Variants in LCLAT1 observed in about 807,000 individuals in gnomAD.
The protein encoded by LCLAT1 is lysocardiolipin acyltransferase 1, also known as 1-AGP acyltransferase 8.
Under a neutral mutation model 30.7 loss-of-function variants are expected in LCLAT1, and 11 were observed. The observed-to-expected ratio is 0.36, with a 90% CI of 0.23 to 0.59. The LOEUF is 0.59. Ranked by LOEUF, LCLAT1 falls within the 20% of genes least tolerant of loss-of-function variation. The pLI, the probability that LCLAT1 is intolerant of heterozygous loss-of-function variation, is 0.77. For synonymous variants in LCLAT1, 155 were observed against 151.3 expected (o/e 1.02, Z -0.18); for missense variants, 402 against 458.6 (o/e 0.88, Z 1.13).
intron 1 of LCLAT1, among the ~76,000 whole-genome samples, chr2:30,471,988 A>G (rs1682819443): frequency 1.3e-5 from 2 of 152,224 alleles, no homozygotes. Context: ...AGCATGAAAT[A>G]TGAACATCAT....
At chr2:30,526,522 A>G (rs111261936) in intron 2 of LCLAT1, among the ~76,000 whole-genome samples, 84 of 152,232 alleles carry the variant, frequency 5.5e-4, no homozygotes, top group African/African-American at 1.2e-3. Context: ...AATTATAGCC[A>G]TATTTTCCTT....
At chr2:30,456,916 C>T (rs1292647936) in intron 1 of LCLAT1, among the ~76,000 whole-genome samples, 1 of 152,104 alleles carries the variant, frequency 6.6e-6, no homozygotes, top group Non-Finnish European at 1.5e-5. Context: ...GGGATTACTT[C>T]TTTATGGAAG....
At chr2:30,521,518 T>C (rs1685475361) in intron 1 of LCLAT1, among the ~76,000 whole-genome samples, 1 of 119,098 alleles carries the variant, frequency 8.4e-6, no homozygotes, top group Admixed American at 9.2e-5. Context: ...TTTTTTTTTT[T>C]TTTTTTTTGA....
At chr2:30,553,701 G>C (rs1047301404) in intron 3 of LCLAT1, among the ~76,000 whole-genome samples, 1 of 151,856 alleles carries the variant, frequency 6.6e-6, no homozygotes, top group African/African-American at 2.4e-5. Flanking sequence ...TGTAGTCCCA[G>C]CTACTCGGGA....
At chr2:30,482,840 G>A (rs829687) in intron 1 of LCLAT1, among the ~76,000 whole-genome samples, 33,659 of 151,304 alleles carry the variant, frequency 0.22, 3,824 homozygotes, top group East Asian at 0.34. Context: ...ACAGGAAATT[G>A]TTTAGTAGTA....
chr2:30,601,660 A>G (rs1468795313), intron 5 of LCLAT1, among the ~76,000 whole-genome samples: 4 of 41,394 alleles, frequency 9.7e-5, no homozygotes, highest in Non-Finnish European at 1.7e-4. Context: ...TCAGATCCCA[A>G]GATTAATAGA....
chr2:30,477,716 G>A (rs1338114913), intron 1 of LCLAT1, among the ~76,000 whole-genome samples: 1 of 152,106 alleles, frequency 6.6e-6, no homozygotes, highest in Admixed American at 6.5e-5. Flanking sequence ...AATTAAATTG[G>A]AGGCTTTCCT....
chr2:30,506,012 A>G (rs1429288300), intron 1 of LCLAT1, among the ~76,000 whole-genome samples: 4 of 152,118 alleles, frequency 2.6e-5, no homozygotes, highest in African/African-American at 9.7e-5. Flanking sequence ...TATTAAATCC[A>G]TTAACGGTTC....
intron 3 of LCLAT1, among the ~76,000 whole-genome samples, chr2:30,547,159 C>T (rs772411321): frequency 2.0e-5 from 3 of 152,134 alleles, no homozygotes; most frequent in Non-Finnish European, 4.4e-5. Context: ...TGAATCTCTG[C>T]AGCTAGTGTG....
At chr2:30,497,320 A>G (rs1276575884) in intron 1 of LCLAT1, among the ~76,000 whole-genome samples, 1 of 152,162 alleles carries the variant, frequency 6.6e-6, no homozygotes, top group Non-Finnish European at 1.5e-5. Flanking sequence ...ATTATGTGGA[A>G]TTTTCGTAGC....
Position 30,623,168 on chromosome 2 carries a change from C to T in LCLAT1, c.629-16949C>T, listed in dbSNP as rs1668349772. Among the ~76,000 whole-genome samples the T allele has an allele frequency of 2.0e-5, 3 of 151,208 alleles. No individual in the cohort carries two copies. In the South Asian group the frequency reaches 6.2e-4, roughly 31 times the overall value. On this transcript the variant is annotated intron_variant, in intron 5 of 5. Transcript: ENST00000379509. Reference sequence around the variant, plus strand: ...TCCTGGATTCATGCCATTCTCCTGCCTCAGCCTCCCGAGTAGCTGGGACTA... The same window carrying T: ...TCCTGGATTCATGCCATTCTCCTGCTTCAGCCTCCCGAGTAGCTGGGACTA...
At chr2:30,592,897 TCAAA>T (rs1310461664) in intron 5 of LCLAT1, among the ~76,000 whole-genome samples, 2 of 152,212 alleles carry the variant, frequency 1.3e-5, no homozygotes, top group African/African-American at 2.4e-5. Flanking sequence ...GACTGTCACC[TCAAA>T]CATTTATCTT....
In LCLAT1 at chr2:30,447,309, G is replaced by A. The variant is rs1012548970; in HGVS notation, c.-79G>A. On this transcript the variant is annotated 5_prime_UTR_variant, in exon 1 of 6. Coordinates refer to ENST00000379509, the MANE Select transcript of LCLAT1 (RefSeq NM_001002257.3). ...AATTAACGGCGGGTTCCGCACGGAGGTTGTGACCCCTACGGAGCCCCAGCT... is the reference window on the plus strand; with the variant it reads ...AATTAACGGCGGGTTCCGCACGGAGATTGTGACCCCTACGGAGCCCCAGCT... 4 of 152,048 alleles carry A rather than the reference G, an allele frequency of 2.6e-5. No individual in the cohort carries two copies. The highest frequency in any genetic ancestry group is 7.2e-5 in the African/African-American group (3 of 41,436). The allele number at this position is 152,048 out of a possible 1,614,324, so 9.4% of individuals were successfully genotyped here. A position where few individuals can be genotyped will look rare whatever the true frequency, so the allele number is the denominator to read the frequency against.
chr2:30,634,984 G>T (rs12052683), intron 5 of LCLAT1, among the ~76,000 whole-genome samples: 56,049 of 152,092 alleles, frequency 0.37, 10,765 homozygotes, highest in East Asian at 0.6. Flanking sequence ...GTCTTGATAG[G>T]ATATGAGAAA....
chr2:30,572,711 G>GT (rs376574766), intron 5 of LCLAT1, among the ~76,000 whole-genome samples: 56 of 148,924 alleles, frequency 3.8e-4, no homozygotes, highest in East Asian at 1.4e-3. Context: ...TTCTTTGTAG[G>GT]TTTTTTTTTT....
chr2:30,458,073 T>A (rs2148267112), intron 1 of LCLAT1, among the ~76,000 whole-genome samples: 1 of 152,002 alleles, frequency 6.6e-6, no homozygotes, highest in Middle Eastern at 3.4e-3. Context: ...ACTTTTCACT[T>A]GGTTGTTAGG....
chr2:30,612,683 T>C (rs1304429489), intron 5 of LCLAT1, among the ~76,000 whole-genome samples: 1 of 152,150 alleles, frequency 6.6e-6, no homozygotes, highest in Non-Finnish European at 1.5e-5. Context: ...CTGTCTGCCT[T>C]CTCTGCTATG....
At chr2:30,534,648 C>T (rs1243537064) in intron 3 of LCLAT1, among the ~76,000 whole-genome samples, 1 of 152,144 alleles carries the variant, frequency 6.6e-6, no homozygotes, top group Non-Finnish European at 1.5e-5. Flanking sequence ...ATATAGTGAT[C>T]TCAGATTTCT....
chr2:30,593,049 C>A (rs1421498175), intron 5 of LCLAT1, among the ~76,000 whole-genome samples: 3 of 152,200 alleles, frequency 2.0e-5, no homozygotes, highest in African/African-American at 7.2e-5. Flanking sequence ...ACCAACTTCT[C>A]TACATCCCTC....
Sources: gnomAD v4.1 joint callset for allele counts (sites outside exome capture counted in the v4.1 genomes callset) on GRCh38, gnomAD v4.1.1 for gene constraint, MANE v1.5 for transcripts, NCBI Gene and HGNC (gene_info 2026-07-23, HGNC 2026-07-21) for gene names.